The following NBEA variants were observed in gnomAD, a reference collection of about 807,000 sequenced individuals.
The protein encoded by NBEA is lysosomal-trafficking regulator 2.
NBEA carries 44 observed loss-of-function variants against 343.4 expected under a neutral mutation model. The ratio of observed to expected loss-of-function variants is 0.13; its 90% CI spans 0.10 to 0.16. The LOEUF is 0.16. NBEA is among the 10% of genes least tolerant of loss of function. The pLI, the probability that NBEA is intolerant of heterozygous loss-of-function variation, is 1.00. For synonymous variants in NBEA, 1,175 were observed against 1,238.7 expected (o/e 0.95, Z 1.08); for missense variants, 2,555 against 3,631.3 (o/e 0.70, Z 7.62).
chr13:35,538,425 T>G (rs549610866), intron 41 of NBEA, among the ~76,000 whole-genome samples: 1 of 152,234 alleles, frequency 6.6e-6, no homozygotes, highest in Non-Finnish European at 1.5e-5. Flanking sequence ...ACTGAATTTA[T>G]ACGCTACTGA....
intron 30 of NBEA, 95 bp from the exon 31 acceptor site, chr13:35,195,769 T>C: frequency 8.5e-7 from 1 of 1,180,320 alleles, no homozygotes; most frequent in East Asian, 2.5e-5. Flanking sequence ...TCTACAGGTT[T>C]TGTTTTCTTT....
intron 1 of NBEA, among the ~76,000 whole-genome samples, chr13:34,973,815 G>A (rs1264761196): frequency 6.6e-6 from 1 of 152,166 alleles, no homozygotes. Flanking sequence ...CTGCTTCCCT[G>A]GATTCAGCCC....
rs1295029261 is a variant in NBEA at position 35,010,742 on chromosome 13, ATATATATATATAT to A, written c.295-30190_295-30178del. ...GGGTCTCTACAAAAAAAAAAAAAAA[ATATATATATATAT>A]ATATATATATATATATATATATATA... On this transcript the variant is annotated intron_variant, in intron 1 of 58. Transcript: ENST00000379939. 6.1e-4 allele frequency among the ~76,000 whole-genome samples: 51 copies of A among 83,714 alleles called. 4 individuals carry two copies. The highest frequency in any genetic ancestry group is 1.8e-3 in the African/African-American group (33 of 17,934). The allele number at this position is 83,714 out of a possible 152,430, so 54.9% of individuals were successfully genotyped here.
At chr13:35,383,427 C>CT (rs2042101956) in intron 38 of NBEA, among the ~76,000 whole-genome samples, 1 of 152,136 alleles carries the variant, frequency 6.6e-6, no homozygotes, top group African/African-American at 2.4e-5. Flanking sequence ...ATAGTTCAGT[C>CT]TAATTCAGAG....
At chr13:35,582,114 A>G (rs939509719) in intron 45 of NBEA, among the ~76,000 whole-genome samples, 2 of 151,884 alleles carry the variant, frequency 1.3e-5, no homozygotes, top group African/African-American at 4.8e-5. Context: ...GTGAAACCCC[A>G]TCTCTACTAA....
intron 17 of NBEA, among the ~76,000 whole-genome samples, chr13:35,125,371 G>A (rs888920280): frequency 1.1e-4 from 17 of 152,170 alleles, no homozygotes; most frequent in African/African-American, 4.1e-4. Context: ...TTCTGAAGAT[G>A]AGAGGCACAC....
intron 41 of NBEA, chr13:35,475,699 T>G (rs1210706329): frequency 1.9e-6 from 3 of 1,613,476 alleles, no homozygotes; most frequent in Non-Finnish European, 2.5e-6. Flanking sequence ...CTTTACCACA[T>G]CCCGGTAGCT....
chr13:34,992,641 T>C (rs1365829408), intron 1 of NBEA, among the ~76,000 whole-genome samples: 3 of 151,908 alleles, frequency 2.0e-5, no homozygotes, highest in African/African-American at 7.3e-5. Context: ...TTATTCTTGC[T>C]TTTTTTAAGG....
intron 36 of NBEA, among the ~76,000 whole-genome samples, chr13:35,322,722 C>T (rs2038250519): frequency 6.6e-6 from 1 of 152,148 alleles, no homozygotes. Flanking sequence ...CTTATTTATA[C>T]ATATAACCTT....
intron 1 of NBEA, among the ~76,000 whole-genome samples, chr13:34,978,178 G>A (rs922509502): frequency 3.9e-5 from 6 of 152,116 alleles, no homozygotes; most frequent in Non-Finnish European, 8.8e-5. Flanking sequence ...CAAAAAGTAA[G>A]TATCAATGAT....
chr13:35,311,430 G>A (rs767743065), intron 36 of NBEA, among the ~76,000 whole-genome samples: 19 of 151,802 alleles, frequency 1.3e-4, no homozygotes, highest in Non-Finnish European at 2.4e-4. Flanking sequence ...AAAGGAAGGG[G>A]GTGGAAAATT....
chr13:35,182,241 A>G, intron 28 of NBEA, 119 bp from the exon 29 acceptor site: 1 of 537,830 alleles, frequency 1.9e-6, no homozygotes, highest in Non-Finnish European at 2.9e-6. Flanking sequence ...GCAGGTTTTC[A>G]TAAAAGTTAC....
At position 35,657,954 on chromosome 13, in the gene NBEA, A is replaced by G. The variant is rs145219346; in HGVS notation, c.8362+2205A>G. Among the ~76,000 whole-genome samples the G allele has an allele frequency of 5.3e-3, 802 of 152,228 alleles. 5 individuals carry two copies. The highest frequency in any genetic ancestry group is 0.017 in the African/African-American group (717 of 41,552). On this transcript the variant is annotated intron_variant, in intron 55 of 58. Transcript: ENST00000379939. Reference sequence around the variant, plus strand: ...ATATTAAAGAAAAATATTAAATTATAGTAATTATCTATGTTCACTACTGTG... The same window carrying G: ...ATATTAAAGAAAAATATTAAATTATGGTAATTATCTATGTTCACTACTGTG...
intron 33 of NBEA, among the ~76,000 whole-genome samples, chr13:35,230,723 C>T (rs776011112): frequency 1.3e-5 from 2 of 151,930 alleles, no homozygotes; most frequent in African/African-American, 4.8e-5. Flanking sequence ...TCGGTGACTT[C>T]AGGTAGCCTT....
intron 30 of NBEA, among the ~76,000 whole-genome samples, chr13:35,188,411 T>A (rs529988441): frequency 6.6e-6 from 1 of 152,234 alleles, no homozygotes; most frequent in African/African-American, 2.4e-5. Flanking sequence ...ATCTTCCCAG[T>A]CCCTAGTAAC....
chr13:35,525,097 C>A (rs554554094), intron 41 of NBEA, among the ~76,000 whole-genome samples: 2 of 152,214 alleles, frequency 1.3e-5, no homozygotes, highest in South Asian at 2.1e-4. Flanking sequence ...TAATGCATAT[C>A]AGAAATAAGT....
At chr13:35,605,594 C>T (rs7318654) in intron 47 of NBEA, among the ~76,000 whole-genome samples, 69,652 of 151,946 alleles carry the variant, frequency 0.46, 16,480 homozygotes, top group African/African-American at 0.56. Context: ...AAAACTACAG[C>T]AGTTTGTTTT....
At chr13:35,608,988 T>C (rs918010345) in intron 48 of NBEA, among the ~76,000 whole-genome samples, 1 of 152,234 alleles carries the variant, frequency 6.6e-6, no homozygotes, top group African/African-American at 2.4e-5. Flanking sequence ...CTTTGTGAAA[T>C]TCTTTGAGAT....
intron 46 of NBEA, among the ~76,000 whole-genome samples, chr13:35,587,995 T>G (rs2081362280): frequency 6.6e-6 from 1 of 152,122 alleles, no homozygotes; most frequent in Admixed American, 6.5e-5. Context: ...ATAAATATAT[T>G]TGTTAATCTA....
Sources: allele counts gnomAD v4.1 joint callset (sites outside exome capture counted in the v4.1 genomes callset), GRCh38; gene constraint gnomAD v4.1.1; transcripts MANE v1.5; gene names NCBI Gene and HGNC (gene_info 2026-07-23, HGNC 2026-07-21).